The following FAM200B variants were observed in gnomAD, a reference collection of about 807,000 sequenced individuals.
FAM200B encodes protein FAM200B.
Under a neutral mutation model 33.1 loss-of-function variants are expected in FAM200B, and 32 were observed. That is an observed-to-expected ratio of 0.97 (90% CI 0.73 to 1.30). The LOEUF is 1.30. FAM200B is among the 50% of genes most tolerant of loss of function. The probability of loss-of-function intolerance (pLI) is 0.00; values close to 1 mark genes in which losing one functional copy is unlikely to be tolerated. For synonymous variants in FAM200B, 240 were observed against 264.8 expected, an observed-to-expected ratio of 0.91 and a Z score of 0.91; for missense variants, 741 against 754.0, an observed-to-expected ratio of 0.98 and a Z score of 0.20.
At chr4:15,646,549 TTA>T in the FAM200B span, among the ~76,000 whole-genome samples, 7 of 151,128 alleles carry the variant, frequency 4.6e-5, no homozygotes, top group African/African-American at 7.3e-5. Flanking sequence ...ATATTTTTTA[TTA>T]TTATTATTAT....
At chr4:15,646,504 C>G in the FAM200B span, among the ~76,000 whole-genome samples, 1 of 149,918 alleles carries the variant, frequency 6.7e-6, no homozygotes, top group Admixed American at 6.6e-5. Context: ...TTAGTAGAAG[C>G]AGGGTACAAA....
the FAM200B span, among the ~76,000 whole-genome samples, chr4:15,649,656 T>C: frequency 3.3e-3 from 506 of 151,812 alleles, 7 homozygotes; most frequent in African/African-American, 0.012. Context: ...AATCTGTTTA[T>C]ATAAATAGTT....
At chr4:15,681,625 G>C (rs1204294695), upstream of FAM200B, 1 of 152,494 alleles carries the variant, frequency 6.6e-6, no homozygotes, top group African/African-American at 2.4e-5. Flanking sequence ...AATAACTCCC[G>C]CGAGAGGCGG....
the FAM200B span, among the ~76,000 whole-genome samples, chr4:15,641,861 T>G: frequency 6.6e-6 from 1 of 151,960 alleles, no homozygotes; most frequent in Admixed American, 6.6e-5. Flanking sequence ...ACCCTGTCTC[T>G]ACTAAAAATA....
chr4:15,655,748 A>G, the FAM200B span, among the ~76,000 whole-genome samples: 1 of 152,124 alleles, frequency 6.6e-6, no homozygotes, highest in South Asian at 2.1e-4. Context: ...CCACGCCCCG[A>G]CGCCTGCTTG....
chr4:15,661,189 T>A, the FAM200B span, among the ~76,000 whole-genome samples: 1 of 152,228 alleles, frequency 6.6e-6, no homozygotes, highest in African/African-American at 2.4e-5. Flanking sequence ...CCAAGGTGAT[T>A]CTTTGGACTA....
At chr4:15,682,665 C>T (rs758984044) in intron 1 of FAM200B, among the ~76,000 whole-genome samples, 5 of 152,156 alleles carry the variant, frequency 3.3e-5, no homozygotes, top group Non-Finnish European at 7.4e-5. Context: ...TGTCACTGTT[C>T]ATTGTTTAGT....
the FAM200B span, among the ~76,000 whole-genome samples, chr4:15,669,227 A>G: frequency 6.6e-6 from 1 of 152,216 alleles, no homozygotes; most frequent in Non-Finnish European, 1.5e-5. Context: ...TACTTTGGCT[A>G]TATATACAGC....
chr4:15,639,797 C>T, the FAM200B span, among the ~76,000 whole-genome samples: 1 of 152,140 alleles, frequency 6.6e-6, no homozygotes, highest in African/African-American at 2.4e-5. Flanking sequence ...TCTTAAAATA[C>T]TATCGGGGTT....
Position 15,687,815 on chromosome 4 carries a change from A to G in FAM200B, c.838A>G (p.Ile280Val), listed in dbSNP as rs1719026264. 9.7e-6 allele frequency: 15 copies of G among 1,551,092 alleles called. No homozygotes were observed. The highest frequency in any genetic ancestry group is 2.0e-5 in the Admixed American group (1 of 50,978). ...TATTTTTACAGAATTAGAAAGGCGC[A>G]TAGTTGGCCAATATAAATTAAACTG... ...LDIFTELERR[I>V]VGQYKLNWKN... Residue 280 changes from isoleucine (I) to valine (V), a missense_variant, in exon 2 of 2, where the codon ATA (isoleucine) becomes GTA (valine). Physicochemically the swap from Ile to Val is conservative, Grantham distance 29 (BLOSUM62 3). Transcript: ENST00000422728.
the FAM200B span, among the ~76,000 whole-genome samples, chr4:15,645,595 T>G: frequency 1.3e-5 from 2 of 151,806 alleles, no homozygotes; most frequent in African/African-American, 4.8e-5. Context: ...GCCCGGCTAA[T>G]TTTTGTATTT....
chr4:15,665,110 C>T, the FAM200B span, among the ~76,000 whole-genome samples: 3 of 152,256 alleles, frequency 2.0e-5, no homozygotes, highest in Admixed American at 6.5e-5. Flanking sequence ...AACTGAGCCA[C>T]GTGTCTCTCC....
At chr4:15,655,647 G>A in the FAM200B span, among the ~76,000 whole-genome samples, 1 of 152,210 alleles carries the variant, frequency 6.6e-6, no homozygotes, top group Non-Finnish European at 1.5e-5. Context: ...CGCTCTCGGC[G>A]CTTCTCCCGT....
the FAM200B span, among the ~76,000 whole-genome samples, chr4:15,670,586 A>G: frequency 1.3e-5 from 2 of 152,174 alleles, no homozygotes; most frequent in African/African-American, 2.4e-5. Context: ...ATGCATATAT[A>G]GCCAGTGGTT....
chr4:15,688,355 A>G lies in FAM200B; in HGVS notation c.1378A>G (p.Ile460Val), dbSNP rs1429486242. 14 of 1,550,186 alleles carry G rather than the reference A, an allele frequency of 9.0e-6. No homozygotes were observed. The highest frequency in any genetic ancestry group is 2.4e-5 in the East Asian group (1 of 40,858). The part of the protein sequence containing the change: ...NSDVFQHVER[I>V]QGFRKTLLLW... ...TGATGTATTCCAACATGTTGAACGTATCCAGGGATTTCGAAAGACATTATT... is the reference window on the plus strand; with the variant it reads ...TGATGTATTCCAACATGTTGAACGTGTCCAGGGATTTCGAAAGACATTATT... The change falls in exon 2 of 2, where the codon ATC becomes GTC. Residue 460 changes from isoleucine to valine, a missense_variant. Ile to Val is a conservative substitution (Grantham distance 29, BLOSUM62 3). Coordinates refer to ENST00000422728, the MANE Select transcript of FAM200B (RefSeq NM_001145191.2).
the FAM200B span, among the ~76,000 whole-genome samples, chr4:15,641,127 G>A: frequency 6.6e-6 from 1 of 151,984 alleles, no homozygotes; most frequent in Admixed American, 6.6e-5. Flanking sequence ...GCACGTATCT[G>A]CCCACAGCTT....
the FAM200B span, among the ~76,000 whole-genome samples, chr4:15,648,793 G>C: frequency 6.6e-6 from 1 of 152,186 alleles, no homozygotes; most frequent in Non-Finnish European, 1.5e-5. Context: ...ATAAGGTACA[G>C]TATGGTGACT....
At chr4:15,654,716 G>A in the FAM200B span, among the ~76,000 whole-genome samples, 1 of 152,244 alleles carries the variant, frequency 6.6e-6, no homozygotes, top group Non-Finnish European at 1.5e-5. Flanking sequence ...CCAGCGAGAG[G>A]TGCAGAGGAT....
At chr4:15,662,068 A>G in the FAM200B span, among the ~76,000 whole-genome samples, 1 of 152,236 alleles carries the variant, frequency 6.6e-6, no homozygotes, top group South Asian at 2.1e-4. Context: ...CTTTTATAAC[A>G]TAATCTCAGA....
Sources: allele counts gnomAD v4.1 joint callset (sites outside exome capture counted in the v4.1 genomes callset), GRCh38; gene constraint gnomAD v4.1.1; transcripts MANE v1.5; gene names NCBI Gene and HGNC (gene_info 2026-07-23, HGNC 2026-07-21).